USP50: variants seen among roughly 807,000 people sequenced by gnomAD.
USP50 encodes the protein ubiquitin specific peptidase 50.
USP50 carries 37 observed loss-of-function variants against 39.2 expected under a neutral mutation model. That is an observed-to-expected ratio of 0.94 (90% confidence interval 0.73 to 1.24). The LOEUF (loss-of-function observed/expected upper bound fraction) is 1.24. Among genes scored for constraint, USP50 ranks in the 50% most tolerant of loss-of-function variants. The pLI, the probability that USP50 is intolerant of heterozygous loss-of-function variation, is 0.00. For synonymous variants in USP50, 139 were observed against 144.5 expected, an observed-to-expected ratio of 0.96 and a Z score of 0.27; for missense variants, 374 against 398.2, an observed-to-expected ratio of 0.94 and a Z score of 0.52.
intron 1 of USP50, 65 bp from the exon 2 acceptor site, chr15:50,544,846 G>A: frequency 6.9e-7 from 1 of 1,442,284 alleles, no homozygotes; most frequent in Non-Finnish European, 9.5e-7. Context: ...ATGACAATAA[G>A]CTTCTCTTAA....
At chr15:50,525,512 ATATATGTATATATGTATATG>A (rs1402066475) in intron 6 of USP50, among the ~76,000 whole-genome samples, 1 of 117,080 alleles carries the variant, frequency 8.5e-6, no homozygotes, top group East Asian at 2.3e-4. Context: ...GTGTGTGTAT[ATATATGTATATATGTATATG>A]TATATGTATA....
At chr15:50,536,073 G>A (rs2052977629) in intron 5 of USP50, among the ~76,000 whole-genome samples, 1 of 152,166 alleles carries the variant, frequency 6.6e-6, no homozygotes. Flanking sequence ...TCAGGAGCAA[G>A]GCAAGGATGT....
At chr15:50,537,831 C>A (rs1171102520) in intron 5 of USP50, among the ~76,000 whole-genome samples, 1 of 134,658 alleles carries the variant, frequency 7.4e-6, no homozygotes, top group Non-Finnish European at 1.6e-5. Flanking sequence ...TGCACTCCAG[C>A]CTGGGTGACA....
intron 6 of USP50, among the ~76,000 whole-genome samples, chr15:50,514,886 C>T (rs967774896): frequency 1.3e-5 from 2 of 150,572 alleles, no homozygotes; most frequent in African/African-American, 4.9e-5. Flanking sequence ...GTCCCAACCA[C>T]TCAGGAGGCT....
chr15:50,525,540 A>G lies in USP50; in HGVS notation c.936+4257T>C, dbSNP rs12913716. On this transcript the variant is annotated intron_variant, in intron 6 of 6. Transcript: ENST00000532404. ...TATGTATATATGTATATGTATATGT[A>G]TATATGTATATATGTGTATATATGT... 3.5e-3 allele frequency among the ~76,000 whole-genome samples: 299 copies of G among 84,228 alleles called. 2 individuals carry two copies. Among genetic ancestry groups the G allele is most frequent in the Middle Eastern group, 0.035 (5 of 142 alleles). The allele number at this position is 84,228 out of a possible 152,430, so 55.3% of individuals were successfully genotyped here.
downstream of USP50, chr15:50,498,481 G>GTCTT: frequency 7.4e-7 from 1 of 1,357,406 alleles, no homozygotes; most frequent in East Asian, 2.4e-5. Flanking sequence ...AAAATTCCAA[G>GTCTT]TCTTTGTATT....
intron 6 of USP50, among the ~76,000 whole-genome samples, chr15:50,515,402 C>T (rs184378775): frequency 3.0e-4 from 45 of 152,074 alleles, no homozygotes; most frequent in East Asian, 2.9e-3. Flanking sequence ...CCACCACGCC[C>T]GGCTAATTTT....
chr15:50,514,601 G>A (rs557722456), intron 6 of USP50, among the ~76,000 whole-genome samples: 6 of 152,062 alleles, frequency 3.9e-5, no homozygotes, highest in Admixed American at 3.9e-4. Flanking sequence ...GCGCGATCTC[G>A]GCTCACTGCA....
At chr15:50,493,810 G>A (rs780710144), downstream of USP50, 45 of 608,766 alleles carry the variant, frequency 7.4e-5, no homozygotes, top group Non-Finnish European at 1.2e-4. Flanking sequence ...GTGCCAGAAG[G>A]CAGAACCTCG....
At chr15:50,540,371 A>G (rs1466903449) in intron 4 of USP50, among the ~76,000 whole-genome samples, 1 of 152,194 alleles carries the variant, frequency 6.6e-6, no homozygotes, top group Non-Finnish European at 1.5e-5. Flanking sequence ...AATGTTTTAT[A>G]TCTAGTTCCC....
chr15:50,539,815 G>C (rs897078357), intron 4 of USP50, among the ~76,000 whole-genome samples: 2 of 152,118 alleles, frequency 1.3e-5, no homozygotes, highest in Non-Finnish European at 2.9e-5. Context: ...GTTTGGGGGT[G>C]GCCCATAATA....
rs1435941536 is a variant in USP50, at chr15:50,528,824, GA to G, written c.936+972del. Among the ~76,000 whole-genome samples, 4 of 152,220 alleles carry G rather than the reference GA, an allele frequency of 2.6e-5. No individual in the cohort carries two copies. The East Asian group carries it at 5.8e-4, about 22-fold the overall frequency. On this transcript the variant is annotated intron_variant, in intron 6 of 6. Transcript: ENST00000532404. ...GAATACATTAATTCAACAATAAGCTGAAGAGGCAAATTAGACTTCGGTGGAC... is the reference window on the plus strand; with the variant it reads ...GAATACATTAATTCAACAATAAGCTGAGAGGCAAATTAGACTTCGGTGGAC...
chr15:50,499,989 T>C (rs2052551863), downstream of USP50: 1 of 152,174 alleles, frequency 6.6e-6, no homozygotes, highest in Non-Finnish European at 1.5e-5. Flanking sequence ...CATTATAAAC[T>C]ACATCTTTAC....
At position 50,529,790 on chromosome 15, in the gene USP50, T is replaced by A; in HGVS notation, c.936+7A>T. 6.2e-7 allele frequency: 1 copy of A among 1,608,718 alleles called. No homozygotes were observed. The highest frequency in any genetic ancestry group is 1.3e-5 in the African/African-American group (1 of 74,654). ...TGGATTACTTTTAACAGTTTGTTTT[T>A]ACTCACCACCACTGCACAGAGGTTG... On this transcript the variant is annotated splice_region_variant and intron_variant, in intron 6 of 6. Transcript: ENST00000532404.
intron 5 of USP50, among the ~76,000 whole-genome samples, chr15:50,537,838 G>A (rs1345828125): frequency 1.6e-5 from 2 of 122,936 alleles, no homozygotes; most frequent in Non-Finnish European, 3.4e-5. Flanking sequence ...CAGCCTGGGT[G>A]ACAAAGCAAG....
chr15:50,495,827 C>T, downstream of USP50: 1 of 1,572,180 alleles, frequency 6.4e-7, no homozygotes, highest in East Asian at 2.2e-5. Context: ...TAATATAGAG[C>T]TTAAATCATT....
Position 50,508,327 on chromosome 15 carries a change from A to G in USP50, c.937-7490T>C, listed in dbSNP as rs374127152. 4 of 152,296 alleles carry G rather than the reference A, an allele frequency of 2.6e-5. 1 individual carries two copies. The allele number at this position is 152,296 out of a possible 1,614,324, so 9.4% of individuals were successfully genotyped here. ...GTCTTAAAAATAATACGATGCCAAG[A>G]AGAGAGTGGGTCAGTATTAAGATGA... On this transcript the variant is annotated intron_variant, in intron 6 of 6. Transcript: ENST00000532404.
At chr15:50,518,108 C>A (rs1158119624) in intron 6 of USP50, among the ~76,000 whole-genome samples, 4 of 152,080 alleles carry the variant, frequency 2.6e-5, no homozygotes, top group African/African-American at 7.2e-5. Context: ...ACTATAGTAA[C>A]CAAAACAGTA....
intron 6 of USP50, chr15:50,513,722 T>TC (rs147473538): frequency 0.15 from 23,226 of 152,160 alleles, 2,328 homozygotes; most frequent in Admixed American, 0.28. Flanking sequence ...GCCATTCTAC[T>TC]ATATGGGCAA....
Sources: allele counts gnomAD v4.1 joint callset (sites outside exome capture counted in the v4.1 genomes callset), GRCh38; gene constraint gnomAD v4.1.1; transcripts MANE v1.5; gene names NCBI Gene and HGNC (gene_info 2026-07-23, HGNC 2026-07-21).